PTPRO: variants seen among roughly 807,000 people sequenced by gnomAD.
The protein encoded by PTPRO is protein tyrosine phosphatase receptor type O.
A neutral mutation model predicts 145.2 loss-of-function variants in PTPRO; 62 were observed. That is an observed-to-expected ratio of 0.43 (90% CI 0.35 to 0.53). PTPRO has a LOEUF of 0.53. PTPRO is among the 20% of genes least tolerant of loss of function. The probability of loss-of-function intolerance (pLI) is 0.01; values close to 1 mark genes in which losing one functional copy is unlikely to be tolerated. For missense variants in PTPRO, 1,345 were observed against 1,482.7 expected (o/e 0.91, Z 1.53); for synonymous variants, 565 against 514.7 (o/e 1.10, Z -1.32).
At chr12:15,593,992 A>G (rs1944605683) in intron 25 of PTPRO, among the ~76,000 whole-genome samples, 1 of 152,142 alleles carries the variant, frequency 6.6e-6, no homozygotes, top group South Asian at 2.1e-4. Flanking sequence ...ATAGTTTCTA[A>G]CTTCCAGGGA....
intron 12 of PTPRO, 43 bp downstream of exon 12, chr12:15,526,305 GT>G: frequency 6.2e-7 from 1 of 1,610,102 alleles, no homozygotes; most frequent in Non-Finnish European, 8.5e-7. Context: ...AATCACTAAT[GT>G]TTGCATCATT....
chr12:15,394,907 A>T (rs1001081378), intron 1 of PTPRO, among the ~76,000 whole-genome samples: 8 of 152,230 alleles, frequency 5.3e-5, no homozygotes, highest in African/African-American at 1.9e-4. Flanking sequence ...TGAAGACAAC[A>T]CAGGAATGAA....
intron 14 of PTPRO, 57 bp downstream of exon 14, chr12:15,549,283 ATG>A: frequency 1.6e-6 from 2 of 1,214,964 alleles, no homozygotes; most frequent in Non-Finnish European, 2.2e-6. Context: ...ATATATATAT[ATG>A]TATTTGTATC....
intron 1 of PTPRO, among the ~76,000 whole-genome samples, chr12:15,467,870 T>C (rs1044117097): frequency 1.3e-5 from 2 of 152,184 alleles, no homozygotes; most frequent in African/African-American, 4.8e-5. Context: ...TTTGTGAACG[T>C]TGGGACTCAG....
intron 17 of PTPRO, 91 bp from the exon 18 acceptor site, chr12:15,565,502 G>A: frequency 2.4e-6 from 2 of 833,024 alleles, no homozygotes; most frequent in East Asian, 2.5e-5. Flanking sequence ...TGAGGTACCT[G>A]ATGTAATTAT....
intron 1 of PTPRO, chr12:15,337,366 A>G (rs770187338): frequency 4.6e-5 from 7 of 152,212 alleles, no homozygotes; most frequent in South Asian, 2.1e-4. Context: ...TATGTAATTT[A>G]TCATACCAAC....
chr12:15,329,873 G>A (rs573930492), intron 1 of PTPRO, among the ~76,000 whole-genome samples: 1 of 152,214 alleles, frequency 6.6e-6, no homozygotes, highest in Non-Finnish European at 1.5e-5. Flanking sequence ...TGATTCCTGA[G>A]CTGAGTCCTG....
intron 1 of PTPRO, among the ~76,000 whole-genome samples, chr12:15,402,646 T>A (rs907451264): frequency 5.9e-5 from 9 of 152,162 alleles, no homozygotes; most frequent in South Asian, 2.1e-4. Flanking sequence ...ATATATATTG[T>A]TCAAATTTTA....
At chr12:15,371,126 C>T (rs1938514486) in intron 1 of PTPRO, among the ~76,000 whole-genome samples, 1 of 152,114 alleles carries the variant, frequency 6.6e-6, no homozygotes, top group East Asian at 1.9e-4. Context: ...CCACAATAAG[C>T]AAGTATTGTA....
At chr12:15,465,266 C>A (rs565105323) in intron 1 of PTPRO, among the ~76,000 whole-genome samples, 1 of 152,298 alleles carries the variant, frequency 6.6e-6, no homozygotes, top group Non-Finnish European at 1.5e-5. Context: ...TCAGTGCTGG[C>A]TGAACATATT....
intron 15 of PTPRO, among the ~76,000 whole-genome samples, chr12:15,555,165 G>C (rs1370812594): frequency 6.6e-6 from 1 of 152,136 alleles, no homozygotes; most frequent in Admixed American, 6.5e-5. Flanking sequence ...TTGGACTTGG[G>C]GGGCGGAGGT....
chr12:15,390,970 C>T (rs957742471), intron 1 of PTPRO, among the ~76,000 whole-genome samples: 10 of 152,182 alleles, frequency 6.6e-5, no homozygotes, highest in Non-Finnish European at 1.0e-4. Flanking sequence ...TGTCTTCTTG[C>T]TATATACTCA....
chr12:15,540,706 T>A (rs1591705810), intron 12 of PTPRO, among the ~76,000 whole-genome samples: 1 of 152,338 alleles, frequency 6.6e-6, no homozygotes, highest in Non-Finnish European at 1.5e-5. Context: ...AGAGATTTGC[T>A]GCCAGAGCAC....
At chr12:15,381,853 G>A (rs747754022) in intron 1 of PTPRO, among the ~76,000 whole-genome samples, 8 of 151,898 alleles carry the variant, frequency 5.3e-5, no homozygotes, top group African/African-American at 1.5e-4. Context: ...ATGTTTTTCC[G>A]TATTTAATGA....
intron 1 of PTPRO, among the ~76,000 whole-genome samples, chr12:15,332,316 T>G (rs952437278): frequency 6.6e-6 from 1 of 152,208 alleles, no homozygotes; most frequent in Non-Finnish European, 1.5e-5. Context: ...AAAGAAAACA[T>G]AGCAGCAAGA....
intron 1 of PTPRO, among the ~76,000 whole-genome samples, chr12:15,437,981 C>T (rs1469616177): frequency 6.6e-6 from 1 of 152,180 alleles, no homozygotes; most frequent in Non-Finnish European, 1.5e-5. Flanking sequence ...AGAGAACTTC[C>T]ACTTCTAAAT....
intron 1 of PTPRO, among the ~76,000 whole-genome samples, chr12:15,415,658 T>C (rs1939950188): frequency 2.0e-5 from 3 of 151,824 alleles, no homozygotes; most frequent in Admixed American, 2.0e-4. Context: ...GTGCTGGGAT[T>C]ACAGGCGTGA....
intron 1 of PTPRO, among the ~76,000 whole-genome samples, chr12:15,470,763 G>A (rs1941520071): frequency 6.6e-6 from 1 of 152,150 alleles, no homozygotes; most frequent in Non-Finnish European, 1.5e-5. Context: ...CCTACACTCT[G>A]GTTGGGCCAA....
chr12:15,352,433 G>A (rs1021274076), intron 1 of PTPRO, among the ~76,000 whole-genome samples: 4 of 152,050 alleles, frequency 2.6e-5, no homozygotes, highest in East Asian at 3.9e-4. Flanking sequence ...GGCGGATCAC[G>A]AGGTCAGGAG....
Sources: allele counts gnomAD v4.1 joint callset (sites outside exome capture counted in the v4.1 genomes callset), GRCh38; gene constraint gnomAD v4.1.1; transcripts MANE v1.5; gene names NCBI Gene and HGNC (gene_info 2026-07-23, HGNC 2026-07-21).